Variants in GOLM2 observed in about 807,000 individuals in gnomAD.
GOLM2 encodes the protein golgi membrane protein 2.
GOLM2 carries 26 observed loss-of-function variants against 55.9 expected under a neutral mutation model. The ratio of observed to expected loss-of-function variants is 0.47; its 90% CI spans 0.34 to 0.65. GOLM2 has a LOEUF of 0.65. Ranked by LOEUF, GOLM2 falls within the 30% of genes least tolerant of loss-of-function variation. The pLI is 0.01. For synonymous variants in GOLM2, 165 were observed against 194.6 expected (o/e 0.85, Z 1.27); for missense variants, 486 against 531.8 (o/e 0.91, Z 0.85).
rs563604455 is a variant in GOLM2 at position 44,328,060 on chromosome 15, AAGAG to A, written c.383-623_383-620del. Among the ~76,000 whole-genome samples the A allele has an allele frequency of 9.6e-4, 147 of 152,374 alleles. 5 individuals carry two copies. The South Asian group carries it at 0.03, about 31-fold the overall frequency. On this transcript the variant is annotated intron_variant, in intron 2 of 9. Transcript: ENST00000299957. ...TACTTTAATAAAGCAGATAGATTTG[AAGAG>A]ATAGGTAGTTTTTTGTATTGTCTCC...
chr15:44,411,451 T>C (rs2079638004), intron 9 of GOLM2, among the ~76,000 whole-genome samples: 2 of 152,168 alleles, frequency 1.3e-5, no homozygotes, highest in Admixed American at 1.3e-4. Context: ...TAAATTATAT[T>C]AACAAAAATT....
At chr15:44,399,108 A>G (rs887423036) in intron 8 of GOLM2, among the ~76,000 whole-genome samples, 8 of 152,090 alleles carry the variant, frequency 5.3e-5, no homozygotes, top group African/African-American at 1.9e-4. Flanking sequence ...TTTCCCTGTC[A>G]TAGTCTAATA....
intron 6 of GOLM2, among the ~76,000 whole-genome samples, chr15:44,368,648 C>T (rs1317931448): frequency 6.6e-6 from 1 of 151,766 alleles, no homozygotes; most frequent in African/African-American, 2.4e-5. Flanking sequence ...ACTCCCCATT[C>T]TTTACCAGAT....
intron 8 of GOLM2, among the ~76,000 whole-genome samples, chr15:44,395,833 C>T (rs909319988): frequency 1.1e-4 from 17 of 151,630 alleles, no homozygotes; most frequent in East Asian, 3.9e-4. Context: ...AACAAGACTC[C>T]GTCTCAAAAA....
chr15:44,311,413 TG>T (rs1384699619), intron 1 of GOLM2, among the ~76,000 whole-genome samples: 1 of 152,082 alleles, frequency 6.6e-6, no homozygotes, highest in Non-Finnish European at 1.5e-5. Flanking sequence ...AATGGCATAG[TG>T]CCTGTATTTT....
chr15:44,400,376 T>A (rs2079556427), intron 8 of GOLM2, among the ~76,000 whole-genome samples: 1 of 151,630 alleles, frequency 6.6e-6, no homozygotes. Flanking sequence ...TGGAGTGCAA[T>A]GGTGCAATCT....
chr15:44,385,151 G>A (rs1180422887), intron 8 of GOLM2, among the ~76,000 whole-genome samples: 1 of 152,088 alleles, frequency 6.6e-6, no homozygotes. Flanking sequence ...TTATGTACAA[G>A]TTTTTTTGAA....
chr15:44,333,802 C>T (rs921997657), intron 4 of GOLM2, among the ~76,000 whole-genome samples: 1 of 151,974 alleles, frequency 6.6e-6, no homozygotes, highest in Non-Finnish European at 1.5e-5. Context: ...CTGCAAGTTC[C>T]GCCTCCCAGG....
intron 1 of GOLM2, among the ~76,000 whole-genome samples, chr15:44,309,326 T>G (rs967862364): frequency 1.3e-5 from 2 of 152,282 alleles, no homozygotes; most frequent in African/African-American, 4.8e-5. Flanking sequence ...AAGGGGCAAA[T>G]GGGATGTTGG....
rs1291448673 is a variant in GOLM2 at position 44,337,758 on chromosome 15, A to G, written c.577-5A>G. 57 of 1,560,398 alleles carry G rather than the reference A, an allele frequency of 3.7e-5. No individual in the cohort carries two copies. Among genetic ancestry groups the G allele is most frequent in the Non-Finnish European group, 4.6e-5 (54 of 1,163,152 alleles). On this transcript the variant is annotated splice_polypyrimidine_tract_variant and splice_region_variant and intron_variant, in intron 4 of 9. Transcript: ENST00000299957. ...AAAATATTATTACCAAATTTTGTCT[A>G]ACAGCAAGAGACCCAAAAGATTCAA...
chr15:44,319,916 T>C (rs939867254), intron 1 of GOLM2, among the ~76,000 whole-genome samples: 1 of 152,206 alleles, frequency 6.6e-6, no homozygotes, highest in Admixed American at 6.5e-5. Flanking sequence ...ATTTTAAAAA[T>C]TGACGTATAA....
At chr15:44,323,504 T>C (rs2078964451) in intron 2 of GOLM2, among the ~76,000 whole-genome samples, 1 of 149,852 alleles carries the variant, frequency 6.7e-6, no homozygotes, top group Admixed American at 6.7e-5. Context: ...ATAATAAATA[T>C]AAAAATACAC....
intron 6 of GOLM2, among the ~76,000 whole-genome samples, chr15:44,366,063 C>G (rs527922634): frequency 6.6e-6 from 1 of 151,534 alleles, no homozygotes; most frequent in African/African-American, 2.4e-5. Context: ...TTTGGGAGGC[C>G]GAGGTGGGTG....
chr15:44,364,110 G>A (rs2079265203), intron 6 of GOLM2, among the ~76,000 whole-genome samples: 1 of 152,044 alleles, frequency 6.6e-6, no homozygotes, highest in African/African-American at 2.4e-5. Context: ...GAGTTAGTGG[G>A]TGCCGCGCAC....
chr15:44,387,498 C>T (rs1275935536), intron 8 of GOLM2: 4 of 152,144 alleles, frequency 2.6e-5, no homozygotes, highest in African/African-American at 9.7e-5. Context: ...CCTGATGGCT[C>T]ATGCCTGTAA....
At position 44,399,770 on chromosome 15, in the gene GOLM2, G is replaced by A. The variant is rs564202675; in HGVS notation, c.1073-3117G>A. On this transcript the variant is annotated intron_variant, in intron 8 of 9. Coordinates refer to ENST00000299957, the MANE Select transcript of GOLM2 (RefSeq NM_138423.4). ...AGCACTTTGGGAGGCCGAGGCGGGC[G>A]GATCACCTGAGGTCAGGAGTTCAAG... Among the ~76,000 whole-genome samples the A allele has an allele frequency of 1.3e-4, 20 of 152,194 alleles. No homozygotes were observed. In the East Asian group the frequency reaches 1.7e-3, roughly 13 times the overall value.
intron 1 of GOLM2, among the ~76,000 whole-genome samples, chr15:44,313,785 T>C (rs565412598): frequency 2.8e-4 from 43 of 152,314 alleles, no homozygotes; most frequent in Admixed American, 1.8e-3. Flanking sequence ...ACATAGTGGG[T>C]ACTCACTAAG....
intron 1 of GOLM2, among the ~76,000 whole-genome samples, chr15:44,295,080 CT>C (rs1188122757): frequency 1.5e-3 from 222 of 143,226 alleles, no homozygotes; most frequent in Middle Eastern, 3.6e-3. Context: ...ACATAAATTC[CT>C]TTTTTTTTTT....
chr15:44,329,482 A>G (rs1304917415), intron 3 of GOLM2, among the ~76,000 whole-genome samples: 4 of 152,208 alleles, frequency 2.6e-5, no homozygotes, highest in Non-Finnish European at 5.9e-5. Flanking sequence ...CTGCATGTCT[A>G]TAGGATTAAA....
Sources: gnomAD v4.1 joint callset for allele counts (sites outside exome capture counted in the v4.1 genomes callset) on GRCh38, gnomAD v4.1.1 for gene constraint, MANE v1.5 for transcripts, NCBI Gene and HGNC (gene_info 2026-07-23, HGNC 2026-07-21) for gene names.